The following PUM1 variants were observed in gnomAD, a reference collection of about 807,000 sequenced individuals.
PUM1 encodes pumilio homolog 1.
In PUM1, 13 loss-of-function variants were observed where a neutral mutation model predicts 131.8. The observed-to-expected ratio is 0.10, with a 90% CI of 0.06 to 0.16. PUM1 has a LOEUF of 0.16. Among genes scored for constraint, PUM1 ranks in the 10% least tolerant of loss-of-function variants. The probability of loss-of-function intolerance (pLI) is 1.00; values close to 1 mark genes in which losing one functional copy is unlikely to be tolerated. For synonymous variants in PUM1, 509 were observed against 556.5 expected (o/e 0.91, Z 1.20); for missense variants, 961 against 1,512.4 (o/e 0.64, Z 6.05).
At chr1:31,064,199 T>TA (rs2124039388) in intron 1 of PUM1, among the ~76,000 whole-genome samples, 1 of 152,332 alleles carries the variant, frequency 6.6e-6, no homozygotes, top group African/African-American at 2.4e-5. Flanking sequence ...TGTTTATTTT[T>TA]ACCACACTTA....
rs150017268 is a variant in PUM1 at position 31,000,000 on chromosome 1, A to G, written c.721-4780T>C. ...AAGCAGTGGTTCTATGATTAGGGTT[A>G]GGCATCGCAATCTTTTTAAATTCAC... On this transcript the variant is annotated intron_variant, in intron 5 of 21. Transcript: ENST00000426105. Among the ~76,000 whole-genome samples the G allele has an allele frequency of 1.8e-3, 270 of 152,330 alleles. 1 individual carries two copies. The highest frequency in any genetic ancestry group is 6.1e-3 in the African/African-American group (254 of 41,578).
intron 14 of PUM1, among the ~76,000 whole-genome samples, chr1:30,962,027 A>C (rs955503983): frequency 6.6e-6 from 1 of 152,242 alleles, no homozygotes; most frequent in African/African-American, 2.4e-5. Context: ...TTAGAAACCA[A>C]GTAGCACACC....
intron 2 of PUM1, among the ~76,000 whole-genome samples, chr1:31,050,559 A>G (rs1279748593): frequency 1.3e-5 from 2 of 152,240 alleles, no homozygotes; most frequent in African/African-American, 2.4e-5. Context: ...AATTCTGAGC[A>G]TAATGAAAAG....
chr1:30,982,705 T>C (rs1203062134), intron 7 of PUM1, among the ~76,000 whole-genome samples: 2 of 152,234 alleles, frequency 1.3e-5, no homozygotes, highest in Non-Finnish European at 2.9e-5. Context: ...TTGTCATGAC[T>C]GGACTTACTC....
At chr1:30,961,699 T>G (rs1010288180) in intron 14 of PUM1, among the ~76,000 whole-genome samples, 51 of 152,234 alleles carry the variant, frequency 3.4e-4, no homozygotes, top group African/African-American at 1.1e-3. Context: ...ATCTGCCTCC[T>G]GGGACAAAGT....
intron 7 of PUM1, among the ~76,000 whole-genome samples, chr1:30,983,545 T>C (rs964015559): frequency 6.6e-6 from 1 of 152,286 alleles, no homozygotes; most frequent in Non-Finnish European, 1.5e-5. Context: ...TATCTCGATT[T>C]ATTAACCAAA....
intron 5 of PUM1, among the ~76,000 whole-genome samples, chr1:31,003,440 G>A (rs1642286003): frequency 6.6e-6 from 1 of 152,160 alleles, no homozygotes; most frequent in Non-Finnish European, 1.5e-5. Context: ...ATAAAATCAA[G>A]AGGATACAAC....
At chr1:31,036,548 T>C (rs938524493) in intron 2 of PUM1, among the ~76,000 whole-genome samples, 2 of 152,136 alleles carry the variant, frequency 1.3e-5, no homozygotes, top group African/African-American at 4.8e-5. Context: ...GACTCTCATC[T>C]CTACAAAAAA....
At chr1:31,058,119 T>C (rs1644287348) in intron 2 of PUM1, among the ~76,000 whole-genome samples, 1 of 152,114 alleles carries the variant, frequency 6.6e-6, no homozygotes, top group Admixed American at 6.6e-5. Context: ...AGGACAAAGG[T>C]GGTTAAAACC....
intron 5 of PUM1, among the ~76,000 whole-genome samples, chr1:31,000,642 T>G (rs997716447): frequency 1.3e-5 from 2 of 152,218 alleles, no homozygotes; most frequent in Non-Finnish European, 2.9e-5. Flanking sequence ...TGCCGTGATC[T>G]TAAAAGAAAG....
intron 2 of PUM1, chr1:31,055,255 T>C (rs572827655): frequency 2.0e-5 from 9 of 444,690 alleles, no homozygotes; most frequent in Non-Finnish European, 4.1e-5. Context: ...AAGTGGCCTC[T>C]ACCTGTTGCC....
intron 17 of PUM1, among the ~76,000 whole-genome samples, chr1:30,949,526 G>A (rs1003204825): frequency 2.0e-5 from 3 of 150,522 alleles, no homozygotes; most frequent in Non-Finnish European, 4.4e-5. Context: ...CTCCTGCAAA[G>A]CCGGCCCTCA....
chr1:31,009,174 C>T (rs370900216), intron 3 of PUM1, among the ~76,000 whole-genome samples: 1 of 150,326 alleles, frequency 6.7e-6, no homozygotes, highest in Admixed American at 6.6e-5. Flanking sequence ...CAGAGCGAGA[C>T]TCCATCTTCA....
At chr1:30,999,149 C>A (rs1476492952) in intron 5 of PUM1, among the ~76,000 whole-genome samples, 1 of 152,126 alleles carries the variant, frequency 6.6e-6, no homozygotes, top group African/African-American at 2.4e-5. Context: ...TACAGATGCA[C>A]ACACCATGCC....
In PUM1 at chr1:30,989,571, C is replaced by CAAAAAAAAAAAAAAA. The variant is rs1174565063; in HGVS notation, c.1158+2804_1158+2818dup. On this transcript the variant is annotated intron_variant, in intron 7 of 21. Transcript: ENST00000426105. Reference sequence around the variant, plus strand: ...TGGGCAAAAGAGTGAGACTCCGTCTCAAAAAAAAAAAAAAAAAAAAAAAAA... The same window carrying CAAAAAAAAAAAAAAA: ...TGGGCAAAAGAGTGAGACTCCGTCTCAAAAAAAAAAAAAAAAAAAAAAAAAAAAAAAAAAAAAAAA... Among the ~76,000 whole-genome samples, 11 of 27,704 alleles carry CAAAAAAAAAAAAAAA rather than the reference C, an allele frequency of 4.0e-4. 1 individual carries two copies. The highest frequency in any genetic ancestry group is 5.4e-4 in the African/African-American group (4 of 7,410). The allele number at this position is 27,704 out of a possible 152,430, so 18.2% of individuals were successfully genotyped here.
At chr1:31,065,491 G>A in intron 1 of PUM1, 125 bp downstream of exon 1, 2 of 1,169,274 alleles carry the variant, frequency 1.7e-6, no homozygotes, top group Non-Finnish European at 2.3e-6. Context: ...CTCAGCCAGG[G>A]CCCCGGCGGC....
intron 14 of PUM1, among the ~76,000 whole-genome samples, chr1:30,959,353 T>C (rs1054666643): frequency 6.6e-6 from 1 of 152,050 alleles, no homozygotes; most frequent in African/African-American, 2.4e-5. Flanking sequence ...TTAATACAGA[T>C]TCAAAAATCC....
intron 2 of PUM1, among the ~76,000 whole-genome samples, chr1:31,057,724 C>CAAAAAAAAAAA (rs58490041): frequency 1.4e-5 from 1 of 72,484 alleles, no homozygotes; most frequent in Non-Finnish European, 2.4e-5. Context: ...GACTCCATCT[C>CAAAAAAAAAAA]AAAAAAAAAA....
chr1:30,941,358 G>T, intron 19 of PUM1, 86 bp from the exon 20 acceptor site: 1 of 1,379,796 alleles, frequency 7.2e-7, no homozygotes, highest in Non-Finnish European at 9.8e-7. Context: ...ATTAAAACCT[G>T]TCTTTCTTTT....
Sources: allele counts gnomAD v4.1 joint callset (sites outside exome capture counted in the v4.1 genomes callset), GRCh38; gene constraint gnomAD v4.1.1; transcripts MANE v1.5; gene names NCBI Gene and HGNC (gene_info 2026-07-23, HGNC 2026-07-21).